Variants in ABCG1 observed in about 807,000 individuals in gnomAD.
ABCG1 encodes the protein ATP binding cassette subfamily G member 1.
Under a neutral mutation model 69.2 loss-of-function variants are expected in ABCG1, and 29 were observed. That is an observed-to-expected ratio of 0.42 (90% confidence interval 0.31 to 0.57). The LOEUF is 0.57. Among genes scored for constraint, ABCG1 ranks in the 20% least tolerant of loss-of-function variants. The pLI, the probability that ABCG1 is intolerant of heterozygous loss-of-function variation, is 0.15. For synonymous variants in ABCG1, 370 were observed against 374.8 expected, an observed-to-expected ratio of 0.99 and a Z score of 0.15; for missense variants, 718 against 898.1, an observed-to-expected ratio of 0.80 and a Z score of 2.56.
intron 2 of ABCG1, among the ~76,000 whole-genome samples, chr21:42,231,940 G>A (rs1224715951): frequency 6.6e-6 from 1 of 152,230 alleles, no homozygotes; most frequent in African/African-American, 2.4e-5. Flanking sequence ...TGCAGGGATG[G>A]CTTGCTTGAG....
chr21:42,263,186 G>C (rs1246909472), intron 2 of ABCG1, among the ~76,000 whole-genome samples: 1 of 152,188 alleles, frequency 6.6e-6, no homozygotes, highest in African/African-American at 2.4e-5. Context: ...TCTGGCAAGT[G>C]GTATAGCCCA....
At chr21:42,259,218 C>T in intron 2 of ABCG1, 1 of 1,438,620 alleles carries the variant, frequency 7.0e-7, no homozygotes, top group Non-Finnish European at 9.1e-7. Context: ...TGGTGCTGGG[C>T]TCAGCTCCAA....
intron 2 of ABCG1, among the ~76,000 whole-genome samples, chr21:42,209,292 T>C (rs747962803): frequency 5.3e-5 from 8 of 152,094 alleles, no homozygotes; most frequent in Non-Finnish European, 8.8e-5. Flanking sequence ...CCCATGAGGG[T>C]CCAGCGATGG....
At chr21:42,258,064 C>G (rs1321746594) in intron 2 of ABCG1, among the ~76,000 whole-genome samples, 194 of 78,070 alleles carry the variant, frequency 2.5e-3, no homozygotes, top group Admixed American at 3.4e-3. Flanking sequence ...CAACTCACCT[C>G]TTCATCCACT....
At chr21:42,253,833 G>A (rs1480395959) in intron 2 of ABCG1, among the ~76,000 whole-genome samples, 1 of 152,128 alleles carries the variant, frequency 6.6e-6, no homozygotes, top group Non-Finnish European at 1.5e-5. Context: ...GGGTCTGAGT[G>A]CCTCCTTGGG....
chr21:42,292,621 CTA>C (rs1428155694), intron 13 of ABCG1, among the ~76,000 whole-genome samples: 1 of 151,338 alleles, frequency 6.6e-6, no homozygotes, highest in Non-Finnish European at 1.5e-5. Context: ...ACACCACACA[CTA>C]CACACATACC....
rs746494022 is a variant in ABCG1 at position 42,291,504 on chromosome 21, T to C, written c.1501T>C (p.Phe501Leu). ...GACGGGTCCTTGTTTCCAGATCATG[T>C]TCCCAGTGGCCTACTGCAGCATCGT... ...TMADVPFQIM[F>L]PVAYCSIVYW... The change falls in exon 13 of 15, where the codon TTC (phenylalanine) becomes CTC (leucine). Residue 501 changes from phenylalanine (F) to leucine (L), a missense_variant. Phe to Leu is a conservative substitution (Grantham distance 22, BLOSUM62 0). This residue lies in a region of ABCG1 where 204 missense variants were observed against 323.8 expected (regional missense o/e 0.63). Coordinates refer to ENST00000398449, the MANE Select transcript of ABCG1 (RefSeq NM_016818.3). This position sits in a 1 kb window ranked among gnomAD's most constrained non-coding sequence, Gnocchi z 6.4. The C allele has an allele frequency of 2.5e-6, 4 of 1,608,348 alleles. No homozygotes were observed.
intron 11 of ABCG1, among the ~76,000 whole-genome samples, chr21:42,290,812 A>G (rs1222126611): frequency 1.3e-5 from 2 of 152,230 alleles, no homozygotes; most frequent in African/African-American, 4.8e-5. Flanking sequence ...ACTCAGGAAG[A>G]GTAAGGCCAG....
rs776006887 is a variant in ABCG1 at position 42,286,014 on chromosome 21, G to C, written c.973+20G>C. 13 of 1,544,282 alleles carry C rather than the reference G, an allele frequency of 8.4e-6. No individual in the cohort carries two copies. Among genetic ancestry groups the C allele is most frequent in the Non-Finnish European group, 1.2e-5 (13 of 1,116,690 alleles). On this transcript the variant is annotated intron_variant, in intron 8 of 14. Coordinates refer to ENST00000398449, the MANE Select transcript of ABCG1 (RefSeq NM_016818.3). ...ATTTTGGTAAGCGGAGTCCTGAGCAGCTCGGGGGACAGAAAGGGGATTTTC... is the reference window on the plus strand; with the variant it reads ...ATTTTGGTAAGCGGAGTCCTGAGCACCTCGGGGGACAGAAAGGGGATTTTC...
At chr21:42,214,081 G>A (rs1041870647), upstream of ABCG1, among the ~76,000 whole-genome samples, 3 of 152,218 alleles carry the variant, frequency 2.0e-5, no homozygotes, top group Admixed American at 6.5e-5. Context: ...GGCCAGGGGT[G>A]GAATGCTATG....
chr21:42,265,494 G>A (rs75169592), intron 2 of ABCG1, among the ~76,000 whole-genome samples: 5,256 of 152,220 alleles, frequency 0.035, 312 homozygotes, highest in African/African-American at 0.12. Flanking sequence ...AGGCCCATGC[G>A]CAGACAGAGG....
chr21:42,240,377 G>A (rs1325521493), intron 2 of ABCG1, among the ~76,000 whole-genome samples: 2 of 152,184 alleles, frequency 1.3e-5, no homozygotes, highest in East Asian at 3.8e-4. Flanking sequence ...GACTGCCTAG[G>A]GCCATGGCCC....
chr21:42,286,317 C>T (rs2068939331), intron 8 of ABCG1, among the ~76,000 whole-genome samples: 1 of 152,200 alleles, frequency 6.6e-6, no homozygotes, highest in Admixed American at 6.5e-5. Flanking sequence ...ATTACCTCTG[C>T]AAAGATGCTT....
intron 2 of ABCG1, chr21:42,256,379 G>A (rs1311248998): frequency 8.4e-6 from 13 of 1,550,118 alleles, no homozygotes; most frequent in Middle Eastern, 1.7e-4. Flanking sequence ...TGTCTGTACC[G>A]CCATTCTCTT....
intron 6 of ABCG1, 50 bp from the exon 7 acceptor site, chr21:42,284,510 G>A (rs1482025218): frequency 6.2e-7 from 1 of 1,601,066 alleles, no homozygotes; most frequent in East Asian, 2.2e-5. Flanking sequence ...CTGGGGCAGT[G>A]GCTAGTTCCT....
intron 2 of ABCG1, among the ~76,000 whole-genome samples, chr21:42,207,618 G>C (rs1466009972): frequency 7.9e-5 from 12 of 152,230 alleles, no homozygotes; most frequent in Non-Finnish European, 1.5e-5. Flanking sequence ...TGACATCACT[G>C]TGGGAGGGGA....
intron 14 of ABCG1, chr21:42,294,933 C>A: frequency 2.5e-6 from 1 of 404,364 alleles, no homozygotes; most frequent in Non-Finnish European, 4.6e-6. Context: ...CCGAGAGCTG[C>A]CTTCGGTGGA....
At chr21:42,243,473 T>TGTGTGTGTGTGC (rs2068084555) in intron 2 of ABCG1, among the ~76,000 whole-genome samples, 1 of 150,740 alleles carries the variant, frequency 6.6e-6, no homozygotes, top group South Asian at 2.1e-4. Flanking sequence ...TGTGTGTGTG[T>TGTGTGTGTGTGC]GTGTGTGTGT....
chr21:42,290,759 C>T (rs532491303), intron 11 of ABCG1, among the ~76,000 whole-genome samples: 1 of 152,298 alleles, frequency 6.6e-6, no homozygotes, highest in East Asian at 1.9e-4. Flanking sequence ...CAGCCTTGCT[C>T]ACAGGAAGGC....
Sources: allele counts gnomAD v4.1 joint callset (sites outside exome capture counted in the v4.1 genomes callset), GRCh38; gene constraint gnomAD v4.1.1; regional missense constraint gnomAD v4.1.1; non-coding constraint Gnocchi (gnomAD v3.1); transcripts MANE v1.5; gene names NCBI Gene and HGNC (gene_info 2026-07-23, HGNC 2026-07-21).